The following THSD4 variants were observed in gnomAD, a reference collection of about 807,000 sequenced individuals.
The protein encoded by THSD4 is thrombospondin type-1 domain-containing protein 4.
A neutral mutation model predicts 119.0 loss-of-function variants in THSD4; 69 were observed. That is an observed-to-expected ratio of 0.58 (90% confidence interval 0.48 to 0.71). The LOEUF (loss-of-function observed/expected upper bound fraction) is 0.71, where lower values mean the gene tolerates loss of function less well. Ranked by LOEUF, THSD4 falls within the 30% of genes least tolerant of loss-of-function variation. The pLI, the probability that THSD4 is intolerant of heterozygous loss-of-function variation, is 0.00. For synonymous variants in THSD4, 524 were observed against 540.4 expected (o/e 0.97, Z 0.42); for missense variants, 1,393 against 1,391.1 (o/e 1.00, Z -0.02).
intron 6 of THSD4, among the ~76,000 whole-genome samples, chr15:71,367,217 CTTTTT>C (rs565677357): frequency 1.4e-5 from 2 of 138,754 alleles, no homozygotes; most frequent in Non-Finnish European, 3.1e-5. Flanking sequence ...GCTAGGCTCT[CTTTTT>C]TTTTTTTATT....
chr15:71,398,856 G>A (rs1474415127), intron 6 of THSD4, among the ~76,000 whole-genome samples: 1 of 152,056 alleles, frequency 6.6e-6, no homozygotes, highest in Non-Finnish European at 1.5e-5. Context: ...GGGGCATGGT[G>A]TTAGAAATCC....
At chr15:71,496,845 A>G (rs1320276092) in intron 7 of THSD4, among the ~76,000 whole-genome samples, 3 of 152,224 alleles carry the variant, frequency 2.0e-5, no homozygotes, top group Non-Finnish European at 4.4e-5. Flanking sequence ...CCTTCTTTCC[A>G]GCTAAAAATG....
chr15:71,358,541 ATTCATATTCTGGC>A (rs796889363), intron 6 of THSD4, among the ~76,000 whole-genome samples: 19 of 152,334 alleles, frequency 1.2e-4, no homozygotes, highest in African/African-American at 4.1e-4. Flanking sequence ...GATTTCATAA[ATTCATATTCTGGC>A]TAAGCCACTT....
intron 8 of THSD4, among the ~76,000 whole-genome samples, chr15:71,700,493 A>G (rs2052263490): frequency 6.6e-6 from 1 of 152,176 alleles, no homozygotes; most frequent in African/African-American, 2.4e-5. Flanking sequence ...AAAGCCATCA[A>G]TTTCCCCCAA....
At chr15:71,553,599 T>G (rs529828345) in intron 7 of THSD4, among the ~76,000 whole-genome samples, 1 of 152,320 alleles carries the variant, frequency 6.6e-6, no homozygotes. Context: ...AATGCTGGGA[T>G]GAGCCACTGC....
chr15:71,415,811 T>G (rs777025277), intron 7 of THSD4, among the ~76,000 whole-genome samples: 1 of 152,220 alleles, frequency 6.6e-6, no homozygotes, highest in Non-Finnish European at 1.5e-5. Flanking sequence ...TTGTTTGTTT[T>G]TTTAAGACGG....
intron 7 of THSD4, among the ~76,000 whole-genome samples, chr15:71,649,575 T>C (rs1417324450): frequency 6.6e-6 from 1 of 152,200 alleles, no homozygotes; most frequent in East Asian, 1.9e-4. Flanking sequence ...TGCACCAGCC[T>C]GATAGCTTCT....
intron 8 of THSD4, among the ~76,000 whole-genome samples, chr15:71,674,262 C>T (rs540677882): frequency 9.7e-4 from 147 of 152,302 alleles, no homozygotes; most frequent in Non-Finnish European, 1.9e-3. Context: ...ATTTACAGTC[C>T]AGCTCTGCCC....
chr15:71,327,149 T>G (rs1378096796), intron 6 of THSD4, among the ~76,000 whole-genome samples: 1 of 152,036 alleles, frequency 6.6e-6, no homozygotes, highest in East Asian at 1.9e-4. Context: ...CCTGGGTGGC[T>G]GAGCGAGACT....
At chr15:71,194,446 G>A (rs2043702401) in intron 3 of THSD4, among the ~76,000 whole-genome samples, 1 of 152,176 alleles carries the variant, frequency 6.6e-6, no homozygotes, top group Admixed American at 6.5e-5. Context: ...GAGATAGTTT[G>A]CCATTTCCAC....
At chr15:71,725,665 C>T (rs1051117863) in intron 8 of THSD4, among the ~76,000 whole-genome samples, 2 of 151,840 alleles carry the variant, frequency 1.3e-5, no homozygotes, top group African/African-American at 2.4e-5. Flanking sequence ...TGGGAAACAC[C>T]CATTGGATTT....
At chr15:71,448,557 A>C (rs1322560839) in intron 7 of THSD4, among the ~76,000 whole-genome samples, 1 of 152,204 alleles carries the variant, frequency 6.6e-6, no homozygotes, top group African/African-American at 2.4e-5. Context: ...ATTTAAATTT[A>C]AATTATTGAT....
At chr15:71,210,945 G>GTA (rs1380676731) in intron 3 of THSD4, among the ~76,000 whole-genome samples, 9 of 151,694 alleles carry the variant, frequency 5.9e-5, no homozygotes, top group East Asian at 3.9e-4. Flanking sequence ...GTGTCTTTAT[G>GTA]TATATATATA....
intron 3 of THSD4, among the ~76,000 whole-genome samples, chr15:71,214,411 G>C (rs923679676): frequency 6.6e-6 from 1 of 152,242 alleles, no homozygotes; most frequent in Non-Finnish European, 1.5e-5. Flanking sequence ...ACTCAACAGC[G>C]AAGGTCTGCG....
chr15:71,105,116 A>AG (rs2040268800), intron 1 of THSD4, among the ~76,000 whole-genome samples: 1 of 152,202 alleles, frequency 6.6e-6, no homozygotes, highest in Admixed American at 6.5e-5. Flanking sequence ...CTTAGCCAAG[A>AG]GGGGGTCTGT....
chr15:71,296,270 T>C (rs2044861708), intron 6 of THSD4, among the ~76,000 whole-genome samples: 2 of 152,190 alleles, frequency 1.3e-5, no homozygotes, highest in Admixed American at 1.3e-4. Flanking sequence ...TACATTCCCA[T>C]CAACAATAGA....
intron 6 of THSD4, among the ~76,000 whole-genome samples, chr15:71,383,212 G>A (rs745320039): frequency 2.0e-5 from 3 of 152,176 alleles, no homozygotes; most frequent in Non-Finnish European, 4.4e-5. Flanking sequence ...GGACCAGCAG[G>A]GGTCCCCCTC....
intron 7 of THSD4, among the ~76,000 whole-genome samples, chr15:71,589,011 G>C (rs1460313880): frequency 6.6e-6 from 1 of 152,176 alleles, no homozygotes; most frequent in Non-Finnish European, 1.5e-5. Context: ...TTTGCTGTGG[G>C]ATGTTAGACA....
chr15:71,667,491 A>G (rs971789029), intron 8 of THSD4, among the ~76,000 whole-genome samples: 2 of 152,260 alleles, frequency 1.3e-5, no homozygotes, highest in Non-Finnish European at 2.9e-5. Flanking sequence ...ATAGAGTTTT[A>G]GACTTGGAAG....
Sources: gnomAD v4.1 joint callset for allele counts (sites outside exome capture counted in the v4.1 genomes callset) on GRCh38, gnomAD v4.1.1 for gene constraint, MANE v1.5 for transcripts, NCBI Gene and HGNC (gene_info 2026-07-23, HGNC 2026-07-21) for gene names.